Variants in BCL11A observed in about 807,000 individuals in gnomAD.
The protein encoded by BCL11A is BCL11 transcription factor A, also known as B cell CLL/lymphoma 11A.
BCL11A carries 2 observed loss-of-function variants against 55.9 expected under a neutral mutation model. The observed-to-expected ratio is 0.04, with a 90% CI of 0.01 to 0.11. The LOEUF (loss-of-function observed/expected upper bound fraction) is 0.11. BCL11A is among the 10% of genes least tolerant of loss of function. The pLI is 1.00. For synonymous variants in BCL11A, 465 were observed against 473.4 expected (o/e 0.98, Z 0.23); for missense variants, 817 against 1,137.1 (o/e 0.72, Z 4.05).
intron 2 of BCL11A, among the ~76,000 whole-genome samples, chr2:60,502,760 A>G (rs1199589132): frequency 2.6e-5 from 4 of 152,246 alleles, no homozygotes; most frequent in Non-Finnish European, 5.9e-5. Context: ...AGCACAGTAG[A>G]GCAGAAAGAG....
In BCL11A at chr2:60,546,727, C is replaced by G. The variant is rs1197635792; in HGVS notation, c.56-427G>C. Among the ~76,000 whole-genome samples the G allele has an allele frequency of 1.3e-5, 2 of 152,146 alleles. No individual in the cohort carries two copies. The highest frequency in any genetic ancestry group is 4.8e-5 in the African/African-American group (2 of 41,506). ...AAGTGGATAGAAACCAAATTTGTTT[C>G]TTTTTTCCTATACACCAAGTTGTCC... On this transcript the variant is annotated intron_variant, in intron 1 of 3. Coordinates refer to ENST00000642384, the MANE Select transcript of BCL11A (RefSeq NM_022893.4). This position sits in a 1 kb window ranked among gnomAD's most constrained non-coding sequence, Gnocchi z 4.1.
chr2:60,468,239 G>C (rs891838495), intron 3 of BCL11A, among the ~76,000 whole-genome samples: 1 of 152,192 alleles, frequency 6.6e-6, no homozygotes, highest in Middle Eastern at 3.4e-3. Context: ...AATTATGTGT[G>C]GGCATGAATA....
chr2:60,488,736 T>TTTTGTTTG (rs45517431), intron 2 of BCL11A, among the ~76,000 whole-genome samples: 38 of 151,902 alleles, frequency 2.5e-4, no homozygotes, highest in African/African-American at 4.6e-4. Flanking sequence ...CCCAAAACGA[T>TTTTGTTTG]TTTGTTTGTT....
intron 2 of BCL11A, among the ~76,000 whole-genome samples, chr2:60,477,552 T>C (rs921789894): frequency 2.6e-5 from 4 of 152,238 alleles, no homozygotes; most frequent in Admixed American, 1.3e-4. Context: ...TATACTTATG[T>C]AACAAACCTG....
At chr2:60,537,356 A>G (rs1319073106) in intron 2 of BCL11A, 1 of 152,238 alleles carries the variant, frequency 6.6e-6, no homozygotes, top group Non-Finnish European at 1.5e-5. Flanking sequence ...TGGTTAATGC[A>G]TTGTTTTAAC....
At position 60,546,068 on chromosome 2, in the gene BCL11A, G is replaced by A; in HGVS notation, c.288C>T (p.Ser96=). The A allele has an allele frequency of 6.2e-7, 1 of 1,614,204 alleles. No homozygotes were observed. The highest frequency in any genetic ancestry group is 1.1e-5 in the South Asian group (1 of 91,080). Residue 96 remains serine, a synonymous_variant, in exon 2 of 4, where the codon TCC becomes TCT. Coordinates refer to ENST00000642384, the MANE Select transcript of BCL11A (RefSeq NM_022893.4). This position sits in a 1 kb window ranked among gnomAD's most constrained non-coding sequence, Gnocchi z 4.1. ...SPSPIEMKKA[S]NPVEVGIQVT... is the part of the protein sequence containing the mutation. ...CCTGGATGCCAACCTCCACGGGATTGGATGCTTTTTTCATCTCGATTGGTG... is the reference window on the plus strand; with the variant it reads ...CCTGGATGCCAACCTCCACGGGATTAGATGCTTTTTTCATCTCGATTGGTG...
chr2:60,483,187 C>T lies in BCL11A; in HGVS notation c.386-14354G>A, dbSNP rs910642745. The stretch of plus-strand genomic sequence containing the variant: ...GCGAGAGAAGTGTTGCTCCTTAATG[C>T]TACACTTCCTGAACAATGCTAGCCA... On this transcript the variant is annotated intron_variant, in intron 2 of 3. Coordinates refer to ENST00000642384, the MANE Select transcript of BCL11A (RefSeq NM_022893.4). 3.3e-5 allele frequency among the ~76,000 whole-genome samples: 5 copies of T among 152,180 alleles called. No homozygotes were observed. The South Asian group carries it at 6.2e-4, about 19-fold the overall frequency.
chr2:60,509,253 G>C (rs1308268963), intron 2 of BCL11A, among the ~76,000 whole-genome samples: 1 of 152,216 alleles, frequency 6.6e-6, no homozygotes, highest in Non-Finnish European at 1.5e-5. Context: ...TTTTCCATTA[G>C]AGGGCTCTGC....
intron 2 of BCL11A, among the ~76,000 whole-genome samples, chr2:60,530,257 T>C (rs2104625254): frequency 6.6e-6 from 1 of 150,652 alleles, no homozygotes; most frequent in African/African-American, 2.4e-5. Context: ...CCTTGAGCCT[T>C]CCTTGCATAT....
At chr2:60,492,417 G>C (rs1035119933) in intron 2 of BCL11A, among the ~76,000 whole-genome samples, 2 of 152,116 alleles carry the variant, frequency 1.3e-5, no homozygotes, top group East Asian at 3.8e-4. Context: ...CTAATGTTTA[G>C]AATAAATGTA....
Position 60,460,257 on chromosome 2 carries a change from C to A in BCL11A, c.*147G>T. On this transcript the variant is annotated 3_prime_UTR_variant, in exon 4 of 4. Coordinates refer to ENST00000642384, the MANE Select transcript of BCL11A (RefSeq NM_022893.4). Reference sequence around the variant, plus strand: ...ACAAGCACTCTCATATTCTTAGCTTCGTTACTTCTGTTTGTTTGTTTGTTT... The same window carrying A: ...ACAAGCACTCTCATATTCTTAGCTTAGTTACTTCTGTTTGTTTGTTTGTTT... 2 of 1,413,718 alleles carry A rather than the reference C, an allele frequency of 1.4e-6. No individual in the cohort carries two copies. Among genetic ancestry groups the A allele is most frequent in the Non-Finnish European group, 1.8e-6 (2 of 1,085,928 alleles). 87.6% of individuals were successfully genotyped at this position (1,413,718 alleles called of 1,614,324 possible).
downstream of BCL11A, among the ~76,000 whole-genome samples, chr2:60,453,448 C>A (rs1359564216): frequency 6.6e-6 from 1 of 152,220 alleles, no homozygotes; most frequent in Non-Finnish European, 1.5e-5. Flanking sequence ...CGACCCGAAG[C>A]AGGGGCCTGG....
At chr2:60,483,749 T>C (rs893727823) in intron 2 of BCL11A, among the ~76,000 whole-genome samples, 2 of 152,222 alleles carry the variant, frequency 1.3e-5, no homozygotes, top group South Asian at 2.1e-4. Flanking sequence ...AAGGAAGAAT[T>C]TGGGGACTGG....
At chr2:60,452,551 C>G (rs1675769871), downstream of BCL11A, 1 of 1,604,096 alleles carries the variant, frequency 6.2e-7, no homozygotes, top group African/African-American at 1.3e-5. Context: ...GCGTCCACCC[C>G]ACCCCTGGGG....
intron 2 of BCL11A, among the ~76,000 whole-genome samples, chr2:60,501,300 C>T (rs999064328): frequency 8.5e-5 from 13 of 152,174 alleles, no homozygotes; most frequent in African/African-American, 2.7e-4. Context: ...CCTCAAGGAG[C>T]TCACAGTCCA....
intron 2 of BCL11A, among the ~76,000 whole-genome samples, chr2:60,475,256 C>T (rs773409356): frequency 1.3e-5 from 2 of 152,190 alleles, no homozygotes; most frequent in South Asian, 2.1e-4. Flanking sequence ...TTCACAAGTG[C>T]GTATTTTCCA....
At chr2:60,497,423 C>T (rs1280121091) in intron 2 of BCL11A, among the ~76,000 whole-genome samples, 5 of 152,178 alleles carry the variant, frequency 3.3e-5, no homozygotes, top group Non-Finnish European at 1.5e-5. Context: ...AACTAGCCCT[C>T]AGGTTAGCAG....
At chr2:60,471,031 C>G (rs1447293281) in intron 2 of BCL11A, among the ~76,000 whole-genome samples, 1 of 152,162 alleles carries the variant, frequency 6.6e-6, no homozygotes, top group East Asian at 1.9e-4. Flanking sequence ...CTGCCGTGGT[C>G]TTCACTGCCC....
At position 60,460,413 on chromosome 2, in the gene BCL11A, T is replaced by G. The variant is rs1294305905; in HGVS notation, c.2499A>C (p.Lys833Asn). ...HSDRVLNNDI[K>N]TE ...GGGTATTAATATACCTCTATTCAGTTTTTATATCATTATTCAACACTCGAT... is the reference window on the plus strand; with the variant it reads ...GGGTATTAATATACCTCTATTCAGTGTTTATATCATTATTCAACACTCGAT... The change falls in exon 4 of 4, where the codon AAA (lysine) becomes AAC (asparagine). Residue 833 changes from lysine to asparagine, a missense_variant. Transcript: ENST00000642384. 6.3e-7 allele frequency: 1 copy of G among 1,598,192 alleles called. No homozygotes were observed.
Sources: allele counts gnomAD v4.1 joint callset (sites outside exome capture counted in the v4.1 genomes callset), GRCh38; gene constraint gnomAD v4.1.1; non-coding constraint Gnocchi (gnomAD v3.1); transcripts MANE v1.5; gene names NCBI Gene and HGNC (gene_info 2026-07-23, HGNC 2026-07-21).